FBN2: variants seen among roughly 807,000 people sequenced by gnomAD.
FBN2 encodes the protein fibrillin-2.
FBN2 carries 105 observed loss-of-function variants against 355.6 expected under a neutral mutation model. That is an observed-to-expected ratio of 0.30 (90% confidence interval 0.25 to 0.35). The LOEUF (loss-of-function observed/expected upper bound fraction) is 0.35, where lower values mean the gene tolerates loss of function less well. Ranked by LOEUF, FBN2 falls within the 10% of genes least tolerant of loss-of-function variation. The pLI, the probability that FBN2 is intolerant of heterozygous loss-of-function variation, is 1.00. For missense variants in FBN2, 3,280 were observed against 3,758.7 expected (o/e 0.87, Z 3.33); for synonymous variants, 1,350 against 1,301.2 (o/e 1.04, Z -0.81).
chr5:128,470,040 T>C (rs1319627757), intron 5 of FBN2, among the ~76,000 whole-genome samples: 1 of 152,100 alleles, frequency 6.6e-6, no homozygotes, highest in Non-Finnish European at 1.5e-5. Flanking sequence ...GAGAATATAG[T>C]TAAAAGAGAA....
intron 20 of FBN2, 105 bp from the exon 21 acceptor site, chr5:128,351,110 T>G: frequency 7.2e-7 from 1 of 1,388,244 alleles, no homozygotes; most frequent in Non-Finnish European, 1.0e-6. Context: ...AAAGAAAGAT[T>G]ACTGGCTCAC....
chr5:128,380,669 T>A (rs1024902901), intron 11 of FBN2, among the ~76,000 whole-genome samples: 6 of 152,118 alleles, frequency 3.9e-5, no homozygotes, highest in Non-Finnish European at 8.8e-5. Context: ...TACAATTCCA[T>A]ATGACTTTAA....
chr5:128,389,196 T>G (rs781112276), intron 11 of FBN2, among the ~76,000 whole-genome samples: 3 of 152,194 alleles, frequency 2.0e-5, no homozygotes, highest in Non-Finnish European at 4.4e-5. Flanking sequence ...TCAGTTTGCT[T>G]CTTAAGAACA....
At chr5:128,528,102 C>A in intron 3 of FBN2, 135 bp from the exon 4 acceptor site, 2 of 682,622 alleles carry the variant, frequency 2.9e-6, no homozygotes, top group South Asian at 1.5e-5. Context: ...TACTATGACC[C>A]AAACATATTT....
At chr5:128,377,014 A>C (rs975684065) in intron 13 of FBN2, among the ~76,000 whole-genome samples, 161 bp from the exon 14 acceptor site, 2 of 152,194 alleles carry the variant, frequency 1.3e-5, no homozygotes, top group East Asian at 1.9e-4. Flanking sequence ...ATGAGAAAAA[A>C]TAGTGCGGAG....
In FBN2 at chr5:128,261,739, A is replaced by G. The variant is rs753246690; in HGVS notation, c.8361T>C (p.Thr2787=). Residue 2787 remains threonine, a synonymous_variant, in exon 64 of 65, where the codon ACT becomes ACC. Coordinates refer to ENST00000262464, the MANE Select transcript of FBN2 (RefSeq NM_001999.4). ...ACACAGAGTGGGATATACTCACAGC[A>G]GTGGGATCAGGTTCATGAATACTTC... ...QKRSIHEPDP[T]AVEQISLESV... 2.5e-6 allele frequency: 4 copies of G among 1,614,162 alleles called. No individual in the cohort carries two copies. In the East Asian group the frequency reaches 6.7e-5, roughly 27 times the overall value.
intron 7 of FBN2, among the ~76,000 whole-genome samples, chr5:128,416,016 A>ATAGTTTGC (rs1174449885): frequency 6.7e-6 from 1 of 148,772 alleles, no homozygotes; most frequent in Non-Finnish European, 1.5e-5. Flanking sequence ...AGAAATGTCC[A>ATAGTTTGC]TAGTTTGCAC....
chr5:128,424,323 TAGA>T (rs1476829615), intron 7 of FBN2, among the ~76,000 whole-genome samples: 1 of 152,138 alleles, frequency 6.6e-6, no homozygotes, highest in African/African-American at 2.4e-5. Flanking sequence ...ATCCCTAGAT[TAGA>T]AGGTGTTCGG....
At chr5:128,455,667 G>C (rs1420729685) in intron 6 of FBN2, among the ~76,000 whole-genome samples, 1 of 151,948 alleles carries the variant, frequency 6.6e-6, no homozygotes, top group East Asian at 1.9e-4. Context: ...AGGATGAGTA[G>C]TGTGGTGCCA....
chr5:128,285,226 C>T lies in FBN2; in HGVS notation c.7012+1492G>A, dbSNP rs558794421. ...GGGTAAGTTTGATTCCAATTTCATG[C>T]ATTGGCATTTTTATTGATTTTTTTT... On this transcript the variant is annotated intron_variant, in intron 55 of 64. Coordinates refer to ENST00000262464, the MANE Select transcript of FBN2 (RefSeq NM_001999.4). 4.0e-3 allele frequency among the ~76,000 whole-genome samples: 604 copies of T among 150,954 alleles called. 6 individuals are homozygous for T. The highest frequency in any genetic ancestry group is 0.014 in the African/African-American group (579 of 41,490).
chr5:128,510,392 G>A (rs1756082101), intron 5 of FBN2, among the ~76,000 whole-genome samples: 1 of 152,224 alleles, frequency 6.6e-6, no homozygotes, highest in African/African-American at 2.4e-5. Flanking sequence ...AGCACAACCT[G>A]GAAAAACCCT....
In FBN2 at chr5:128,446,470, G is replaced by A. The variant is rs1157854895; in HGVS notation, c.952+11C>T. Reference sequence around the variant, plus strand: ...ACAATTAGGCATGCTTCCCAAAGTAGAGAGACTCACCTTCACATTTCTGAG... The same window carrying A: ...ACAATTAGGCATGCTTCCCAAAGTAAAGAGACTCACCTTCACATTTCTGAG... On this transcript the variant is annotated intron_variant, in intron 7 of 64. Coordinates refer to ENST00000262464, the MANE Select transcript of FBN2 (RefSeq NM_001999.4). 1.2e-6 allele frequency: 2 copies of A among 1,613,252 alleles called. No homozygotes were observed. Among genetic ancestry groups the A allele is most frequent in the Admixed American group, 1.7e-5 (1 of 59,954 alleles).
At chr5:128,391,812 G>C (rs891976587) in intron 11 of FBN2, among the ~76,000 whole-genome samples, 7 of 152,058 alleles carry the variant, frequency 4.6e-5, no homozygotes, top group African/African-American at 1.4e-4. Context: ...CAATATTTAG[G>C]ACTTGAAAGG....
chr5:128,260,613 G>A (rs144549501), intron 64 of FBN2, among the ~76,000 whole-genome samples: 2,571 of 152,316 alleles, frequency 0.017, 28 homozygotes, highest in Middle Eastern at 0.031. Flanking sequence ...TTTATAAGCA[G>A]AACTTCTGGA....
At chr5:128,267,269 CTGCAGTAAACATACGTG>C (rs1337061193) in intron 62 of FBN2, among the ~76,000 whole-genome samples, 1 of 152,144 alleles carries the variant, frequency 6.6e-6, no homozygotes, top group Non-Finnish European at 1.5e-5. Flanking sequence ...GTAAATAGTG[CTGCAGTAAACATACGTG>C]TGCATGTGTC....
intron 2 of FBN2, among the ~76,000 whole-genome samples, chr5:128,533,746 G>C (rs528630831): frequency 9.2e-5 from 14 of 152,058 alleles, no homozygotes; most frequent in Middle Eastern, 6.8e-3. Flanking sequence ...ATGTTATTTA[G>C]TCCAGCCAAC....
At chr5:128,531,809 C>T (rs1756716344) in intron 2 of FBN2, among the ~76,000 whole-genome samples, 1 of 151,496 alleles carries the variant, frequency 6.6e-6, no homozygotes, top group East Asian at 1.9e-4. Context: ...ATGGATCTCA[C>T]TGCATGATGG....
At chr5:128,430,854 AT>A (rs2127030254) in intron 7 of FBN2, among the ~76,000 whole-genome samples, 1 of 15,928 alleles carries the variant, frequency 6.3e-5, no homozygotes, top group Non-Finnish European at 1.0e-4. Flanking sequence ...TGTCTCAAAA[AT>A]AAATAAATAA....
At chr5:128,288,085 T>C (rs1025997670) in intron 53 of FBN2, among the ~76,000 whole-genome samples, 1 of 152,164 alleles carries the variant, frequency 6.6e-6, no homozygotes, top group Non-Finnish European at 1.5e-5. Flanking sequence ...CAGAGTAATA[T>C]AACTGATTTC....
Sources: allele counts gnomAD v4.1 joint callset (sites outside exome capture counted in the v4.1 genomes callset), GRCh38; gene constraint gnomAD v4.1.1; transcripts MANE v1.5; gene names NCBI Gene and HGNC (gene_info 2026-07-23, HGNC 2026-07-21).